The following TBC1D16 variants were observed in gnomAD, a reference collection of about 807,000 sequenced individuals.
TBC1D16 encodes the protein TBC1 domain family member 16.
A neutral mutation model predicts 74.7 loss-of-function variants in TBC1D16; 58 were observed. That is an observed-to-expected ratio of 0.78 (90% CI 0.63 to 0.97). TBC1D16 has a LOEUF of 0.97. Ranked by LOEUF, TBC1D16 falls within the 50% of genes least tolerant of loss-of-function variation. The pLI is 0.00. For synonymous variants in TBC1D16, 493 were observed against 474.7 expected (o/e 1.04, Z -0.50); for missense variants, 1,014 against 1,079.5 (o/e 0.94, Z 0.85).
Position 79,954,059 on chromosome 17 carries a change from C to T in TBC1D16, c.780-1241G>A, listed in dbSNP as rs1381634822. ...TGTTGGGATTACAGGCGTGAGCCATCGCGCCTGACACTCTCTTGAGATTTA... is the reference window on the plus strand; with the variant it reads ...TGTTGGGATTACAGGCGTGAGCCATTGCGCCTGACACTCTCTTGAGATTTA... On this transcript the variant is annotated intron_variant, in intron 3 of 11. Coordinates refer to ENST00000310924, the MANE Select transcript of TBC1D16 (RefSeq NM_019020.4). The surrounding 1 kb of genome is among the most constrained non-coding windows in gnomAD (Gnocchi z 5.5). Among the ~76,000 whole-genome samples the T allele has an allele frequency of 1.3e-5, 2 of 152,168 alleles. No homozygotes were observed. The highest frequency in any genetic ancestry group is 2.9e-5 in the Non-Finnish European group (2 of 68,034).
At position 79,989,057 on chromosome 17, in the gene TBC1D16, C is replaced by T. The variant is rs1156254410; in HGVS notation, c.779+21103G>A. On this transcript the variant is annotated intron_variant, in intron 3 of 11. Transcript: ENST00000310924. Reference sequence around the variant, plus strand: ...ACCATGATTAGGGAAACTCCTCCATCGTCCAAGATACAAACACAAACTCCC... The same window carrying T: ...ACCATGATTAGGGAAACTCCTCCATTGTCCAAGATACAAACACAAACTCCC... 3.3e-5 allele frequency among the ~76,000 whole-genome samples: 5 copies of T among 152,252 alleles called. No homozygotes were observed. In the East Asian group the frequency reaches 9.6e-4, roughly 29 times the overall value.
chr17:79,941,219 G>GTGAGCCCCCGA lies in TBC1D16; in HGVS notation c.2056-113_2056-112insTCGGGGGCTCA. 4.7e-6 allele frequency: 5 copies of GTGAGCCCCCGA among 1,072,020 alleles called. No homozygotes were observed. Among genetic ancestry groups the GTGAGCCCCCGA allele is most frequent in the Non-Finnish European group, 5.3e-6 (4 of 754,012 alleles). 66.4% of individuals were successfully genotyped at this position (1,072,020 alleles called of 1,614,324 possible). ...AGCAGCAACAACGGCCTGCACCTCG[G>GTGAGCCCCCGA]GGGCTCACCGAGTCCTGGACTGAGG... is the stretch of plus-strand genomic sequence containing the variant. On this transcript the variant is annotated intron_variant, in intron 11 of 11. Coordinates refer to ENST00000310924, the MANE Select transcript of TBC1D16 (RefSeq NM_019020.4). This position sits in a 1 kb window ranked among gnomAD's most constrained non-coding sequence, Gnocchi z 4.3.
rs1411607871 is a variant in TBC1D16, at chr17:79,980,459, T to C, written c.780-27641A>G. On this transcript the variant is annotated intron_variant, in intron 3 of 11. Coordinates refer to ENST00000310924, the MANE Select transcript of TBC1D16 (RefSeq NM_019020.4). The surrounding 1 kb of genome is among the most constrained non-coding windows in gnomAD (Gnocchi z 7.0). The stretch of plus-strand genomic sequence containing the variant: ...GCAGTGGGAGTCTGGGCCGCTACGT[T>C]GTGGGGTGGTGTAACCAGGGTTTGT... Among the ~76,000 whole-genome samples the C allele has an allele frequency of 1.3e-5, 2 of 152,078 alleles. No individual in the cohort carries two copies. Among genetic ancestry groups the C allele is most frequent in the African/African-American group, 4.8e-5 (2 of 41,400 alleles).
rs2033003038 is a variant in TBC1D16, at chr17:79,950,890, G to A, written c.1090-312C>T. On this transcript the variant is annotated intron_variant, in intron 5 of 11. Coordinates refer to ENST00000310924, the MANE Select transcript of TBC1D16 (RefSeq NM_019020.4). The surrounding 1 kb of genome is among the most constrained non-coding windows in gnomAD (Gnocchi z 4.6). Reference sequence around the variant, plus strand: ...TCGGCCTAACTTCCCTCTGCCGGGAGGGCCTGCAATGAATTACATGTGATT... The same window carrying A: ...TCGGCCTAACTTCCCTCTGCCGGGAAGGCCTGCAATGAATTACATGTGATT... 1.3e-6 allele frequency: 2 copies of A among 1,482,846 alleles called. No homozygotes were observed. The highest frequency in any genetic ancestry group is 4.9e-5 in the East Asian group (2 of 40,432). The allele number at this position is 1,482,846 out of a possible 1,614,324, so 91.9% of individuals were successfully genotyped here. A position where few individuals can be genotyped will look rare whatever the true frequency, so the allele number is the denominator to read the frequency against.
intron 7 of TBC1D16, among the ~76,000 whole-genome samples, chr17:79,949,252 A>G (rs1384143203): frequency 2.0e-5 from 3 of 152,262 alleles, no homozygotes; most frequent in Non-Finnish European, 1.5e-5. Flanking sequence ...GTTGCAGCCC[A>G]GTGGGTAATG....
intron 3 of TBC1D16, among the ~76,000 whole-genome samples, chr17:79,963,556 T>C (rs2033715613): frequency 6.6e-6 from 1 of 152,230 alleles, no homozygotes; most frequent in Admixed American, 6.5e-5. Flanking sequence ...TGTCCAGATA[T>C]CTCTGTGTCT....
intron 3 of TBC1D16, among the ~76,000 whole-genome samples, chr17:79,964,905 T>C (rs1469425188): frequency 6.6e-6 from 1 of 152,122 alleles, no homozygotes; most frequent in Non-Finnish European, 1.5e-5. Flanking sequence ...ATATATAATA[T>C]ATATTGACAG....
At chr17:79,963,891 C>T (rs9674495) in intron 3 of TBC1D16, among the ~76,000 whole-genome samples, 158 of 152,272 alleles carry the variant, frequency 1.0e-3, no homozygotes, top group African/African-American at 3.4e-3. Flanking sequence ...GGAGACACGT[C>T]TTTTCAAATC....
In TBC1D16 at chr17:80,010,176, G is replaced by A; in HGVS notation, c.763C>T (p.Leu255=). 6.2e-7 allele frequency: 1 copy of A among 1,610,532 alleles called. No individual in the cohort carries two copies. Reference sequence around the variant, plus strand: ...GGAACTCACCTGCTGTCACTTTCCAGAAACACGGAGCCGCGGCTCTCGGCC... The same window carrying A: ...GGAACTCACCTGCTGTCACTTTCCAAAAACACGGAGCCGCGGCTCTCGGCC... ...ALAESRGSVF[L]ESDSSPPSSS... Residue 255 remains leucine (L), a synonymous_variant, in exon 3 of 12, where the codon CTG becomes TTG. Coordinates refer to ENST00000310924, the MANE Select transcript of TBC1D16 (RefSeq NM_019020.4). This position sits in a 1 kb window ranked among gnomAD's most constrained non-coding sequence, Gnocchi z 8.8.
chr17:79,936,431 A>T lies in TBC1D16; in HGVS notation c.*4428T>A, dbSNP rs961396205. The T allele has an allele frequency of 6.6e-5, 10 of 152,256 alleles. No homozygotes were observed. The highest frequency in any genetic ancestry group is 2.2e-4 in the African/African-American group (9 of 41,548). The allele number at this position is 152,256 out of a possible 1,614,324, so 9.4% of individuals were successfully genotyped here. A position where few individuals can be genotyped will look rare whatever the true frequency, so the allele number is the denominator to read the frequency against. On this transcript the variant is annotated 3_prime_UTR_variant, in exon 12 of 12. Coordinates refer to ENST00000310924, the MANE Select transcript of TBC1D16 (RefSeq NM_019020.4). ...CCCTGGGACTTCATAAACCATCCTC[A>T]TGACAGTTTTACACTTAGAGTCCCC... is the stretch of plus-strand genomic sequence containing the variant.
Position 79,951,705 on chromosome 17 carries a change from A to C in TBC1D16, c.942-108T>G, listed in dbSNP as rs547556274. 21 of 1,325,320 alleles carry C rather than the reference A, an allele frequency of 1.6e-5. No individual in the cohort carries two copies. In the East Asian group the frequency reaches 5.2e-4, roughly 33 times the overall value. The allele number at this position is 1,325,320 out of a possible 1,614,324, so 82.1% of individuals were successfully genotyped here. A position where few individuals can be genotyped will look rare whatever the true frequency, so the allele number is the denominator to read the frequency against. On this transcript the variant is annotated intron_variant, in intron 4 of 11. Transcript: ENST00000310924. ...CACTGTCGCCAACCTCAGAAGCAGG[A>C]AACAGTGAGTCCCAGTGGAGTTGGC... is the stretch of plus-strand genomic sequence containing the variant.
rs143150886 is a variant in TBC1D16, at chr17:79,941,072, G to A, written c.2091C>T (p.Pro697=). ...GATCGTGCAGGCTGCAGGGGATCCG[G>A]GGCAGGAGGCGGAACTGGTACAGCA... ...RSLLYQFRLL[P]RIPCSLHDLC... The change falls in exon 12 of 12, where the codon CCC becomes CCT. Residue 697 remains proline (P), a synonymous_variant. Coordinates refer to ENST00000310924, the MANE Select transcript of TBC1D16 (RefSeq NM_019020.4). This position sits in a 1 kb window ranked among gnomAD's most constrained non-coding sequence, Gnocchi z 4.3. 2,132 of 1,593,172 alleles carry A rather than the reference G, an allele frequency of 1.3e-3. 2 individuals are homozygous for A. Among genetic ancestry groups the A allele is most frequent in the Middle Eastern group, 3.7e-3 (22 of 6,002 alleles).
At chr17:79,967,855 C>G (rs949337317) in intron 3 of TBC1D16, among the ~76,000 whole-genome samples, 1 of 152,072 alleles carries the variant, frequency 6.6e-6, no homozygotes, top group South Asian at 2.1e-4. Flanking sequence ...CTACGGTAAT[C>G]AATATGGTGT....
intron 1 of TBC1D16, among the ~76,000 whole-genome samples, chr17:80,018,768 T>A (rs1286254445): frequency 2.0e-5 from 3 of 149,494 alleles, no homozygotes; most frequent in Non-Finnish European, 4.4e-5. Flanking sequence ...GTCCCGCTAA[T>A]TTTTTTATTT....
At position 79,933,464 on chromosome 17, in the gene TBC1D16, G is replaced by A. The variant is rs1245307771; in HGVS notation, c.*7395C>T. On this transcript the variant is annotated 3_prime_UTR_variant, in exon 12 of 12. Transcript: ENST00000310924. ...GAGCAGAGAGCCCTGCATCTTGCCT[G>A]GGGCCCCTTGTATCTCTGGCTCATG... 6.6e-6 allele frequency: 1 copy of A among 152,278 alleles called. No individual in the cohort carries two copies. The highest frequency in any genetic ancestry group is 6.5e-5 in the Admixed American group (1 of 15,278). The allele number at this position is 152,278 out of a possible 1,614,324, so 9.4% of individuals were successfully genotyped here. A position where few individuals can be genotyped will look rare whatever the true frequency, so the allele number is the denominator to read the frequency against.
At chr17:80,018,948 T>C (rs919505694) in intron 1 of TBC1D16, among the ~76,000 whole-genome samples, 1 of 150,200 alleles carries the variant, frequency 6.7e-6, no homozygotes, top group African/African-American at 2.5e-5. Context: ...ATTTTGCACT[T>C]AAGCACGTCA....
At chr17:80,034,017 C>T (rs2036859559) in intron 1 of TBC1D16, among the ~76,000 whole-genome samples, 1 of 152,198 alleles carries the variant, frequency 6.6e-6, no homozygotes, top group Non-Finnish European at 1.5e-5. Context: ...ACTGCATGAG[C>T]TTGGGAAGTT....
chr17:80,030,815 G>A (rs540119035), intron 1 of TBC1D16, among the ~76,000 whole-genome samples: 1 of 152,180 alleles, frequency 6.6e-6, no homozygotes, highest in African/African-American at 2.4e-5. Context: ...GCCCACCACC[G>A]ATTATTCCCA....
chr17:79,950,431 C>G lies in TBC1D16; in HGVS notation c.1237G>C (p.Glu413Gln). 1 of 1,611,902 alleles carries G rather than the reference C, an allele frequency of 6.2e-7. No homozygotes were observed. Among genetic ancestry groups the G allele is most frequent in the Non-Finnish European group, 8.5e-7 (1 of 1,179,518 alleles). Reference protein sequence around the residue: ...NHLNELGQVEEEYKLRKAIFF... With the variant: ...NHLNELGQVEQEYKLRKAIFF... ...CTCACCTTCCGCAGCTTGTACTCCTCCTCCACCTGGCCCAGCTCATTCAGG... is the reference window on the plus strand; with the variant it reads ...CTCACCTTCCGCAGCTTGTACTCCTGCTCCACCTGGCCCAGCTCATTCAGG... The change falls in exon 6 of 12, where the codon GAG becomes CAG. Residue 413 changes from glutamate (E) to glutamine (Q), a missense_variant. Coordinates refer to ENST00000310924, the MANE Select transcript of TBC1D16 (RefSeq NM_019020.4). The surrounding 1 kb of genome is among the most constrained non-coding windows in gnomAD (Gnocchi z 4.6).
Sources: gnomAD v4.1 joint callset for allele counts (sites outside exome capture counted in the v4.1 genomes callset) on GRCh38, gnomAD v4.1.1 for gene constraint, Gnocchi (gnomAD v3.1) non-coding constraint, MANE v1.5 for transcripts, NCBI Gene and HGNC (gene_info 2026-07-23, HGNC 2026-07-21) for gene names.